The following JARID2 variants were observed in gnomAD, a reference collection of about 807,000 sequenced individuals.
JARID2 encodes jumonji and AT-rich interaction domain containing 2, also known as protein Jumonji.
A neutral mutation model predicts 125.6 loss-of-function variants in JARID2; 21 were observed. That is an observed-to-expected ratio of 0.17 (90% CI 0.12 to 0.24). JARID2 has a LOEUF of 0.24. Ranked by LOEUF, JARID2 falls within the 10% of genes least tolerant of loss-of-function variation. The probability of loss-of-function intolerance (pLI) is 1.00; values close to 1 mark genes in which losing one functional copy is unlikely to be tolerated. For synonymous variants in JARID2, 736 were observed against 661.6 expected (o/e 1.11, Z -1.73); for missense variants, 1,303 against 1,639.6 (o/e 0.79, Z 3.55).
At chr6:15,512,867 T>C (rs1311924270) in intron 14 of JARID2, 48 bp from the exon 15 acceptor site, 1 of 1,582,170 alleles carries the variant, frequency 6.3e-7, no homozygotes, top group Admixed American at 1.8e-5. Context: ...CCTTGACAGC[T>C]GCCTAGTAAT....
chr6:15,500,787 CCAGAGCCTGT>C (rs1770696761), intron 7 of JARID2, 110 bp from the exon 8 acceptor site: 2 of 855,112 alleles, frequency 2.3e-6, no homozygotes, highest in African/African-American at 3.4e-5. Context: ...CACTCTCACC[CCAGAGCCTGT>C]CAGAGTCCTG....
chr6:15,246,432 C>T lies in JARID2; in HGVS notation c.-108C>T. On this transcript the variant is annotated 5_prime_UTR_variant, in exon 1 of 18. Coordinates refer to ENST00000341776, the MANE Select transcript of JARID2 (RefSeq NM_004973.4). ...AGAAAAGTCGGATTACAAGATCAAC[C>T]ACCACCAACAACAATAAAAACCACC... 2.3e-6 allele frequency: 2 copies of T among 861,476 alleles called. No homozygotes were observed. Among genetic ancestry groups the T allele is most frequent in the South Asian group, 1.5e-5 (1 of 66,588 alleles). The allele number at this position is 861,476 out of a possible 1,614,324, so 53.4% of individuals were successfully genotyped here.
chr6:15,253,543 T>G (rs1005921791), intron 1 of JARID2, among the ~76,000 whole-genome samples: 1 of 152,180 alleles, frequency 6.6e-6, no homozygotes, highest in Non-Finnish European at 1.5e-5. Context: ...CCACGCAGAT[T>G]GTTCCAGAGG....
intron 3 of JARID2, among the ~76,000 whole-genome samples, chr6:15,450,787 C>T (rs1767887148): frequency 6.6e-6 from 1 of 152,048 alleles, no homozygotes; most frequent in South Asian, 2.1e-4. Flanking sequence ...GTATGTAAAG[C>T]AAAAATATGT....
chr6:15,390,783 A>G (rs1464570110), intron 2 of JARID2, among the ~76,000 whole-genome samples: 2 of 152,160 alleles, frequency 1.3e-5, no homozygotes, highest in Admixed American at 1.3e-4. Context: ...GCTCAGGTCC[A>G]GTAGGCCGCA....
chr6:15,512,413 C>A, intron 14 of JARID2, 23 bp downstream of exon 14: 1 of 1,608,960 alleles, frequency 6.2e-7, no homozygotes, highest in South Asian at 1.1e-5. Flanking sequence ...GGCCTCCTCC[C>A]GCTTGCTGCC....
At chr6:15,468,820 T>C in intron 5 of JARID2, 102 bp downstream of exon 5, 1 of 1,103,716 alleles carries the variant, frequency 9.1e-7, no homozygotes. Context: ...GCAAAGCTCG[T>C]TCTGGGTACT....
At chr6:15,463,504 C>T (rs1342827691) in intron 4 of JARID2, among the ~76,000 whole-genome samples, 2 of 146,580 alleles carry the variant, frequency 1.4e-5, no homozygotes, top group African/African-American at 5.1e-5. Flanking sequence ...AGTTTCAGCT[C>T]ATTGCAACCT....
At chr6:15,438,234 G>T (rs1767296147) in intron 3 of JARID2, among the ~76,000 whole-genome samples, 2 of 152,296 alleles carry the variant, frequency 1.3e-5, no homozygotes, top group South Asian at 4.1e-4. Context: ...GATTGACACA[G>T]TTAAAGATGG....
intron 1 of JARID2, among the ~76,000 whole-genome samples, chr6:15,295,190 T>C (rs1271865322): frequency 2.0e-5 from 3 of 150,608 alleles, no homozygotes; most frequent in Non-Finnish European, 3.0e-5. Context: ...GACGCCATCT[T>C]GGCTCACTGC....
chr6:15,489,639 C>T (rs1770050884), intron 6 of JARID2, among the ~76,000 whole-genome samples: 1 of 152,248 alleles, frequency 6.6e-6, no homozygotes, highest in African/African-American at 2.4e-5. Context: ...TGCCTGCCCC[C>T]ATGCTCCATG....
At chr6:15,499,113 T>A (rs1561907495) in intron 7 of JARID2, among the ~76,000 whole-genome samples, 1 of 137,928 alleles carries the variant, frequency 7.3e-6, no homozygotes, top group East Asian at 1.9e-4. Flanking sequence ...CCCAGAAGTC[T>A]AAGGCGTCTG....
At chr6:15,353,629 TC>T (rs1369148846) in intron 1 of JARID2, among the ~76,000 whole-genome samples, 4 of 152,184 alleles carry the variant, frequency 2.6e-5, no homozygotes, top group African/African-American at 9.7e-5. Flanking sequence ...ATTAGAATGA[TC>T]CTTTTCCTGG....
chr6:15,496,721 C>G lies in JARID2; in HGVS notation c.1496C>G (p.Pro499Arg), dbSNP rs199694306. The change falls in exon 7 of 18, where the codon CCG becomes CGG. Residue 499 changes from proline to arginine, a missense_variant. Pro to Arg is a moderately radical substitution (Grantham distance 103). Around this residue, in one of 11 missense-constraint regions of JARID2, gnomAD observed 651 missense variants for 581.6 expected, o/e 1.12. Coordinates refer to ENST00000341776, the MANE Select transcript of JARID2 (RefSeq NM_004973.4). ...VPERSLERNRPKRATAGKSTP... is the reference protein window; with the variant it reads ...VPERSLERNRRKRATAGKSTP... Reference sequence around the variant, plus strand: ...GAGCGCAGTCTGGAGAGGAATCGGCCGAAGCGGGCCACGGCCGGGAAGAGC... The same window carrying G: ...GAGCGCAGTCTGGAGAGGAATCGGCGGAAGCGGGCCACGGCCGGGAAGAGC... 1 of 1,613,630 alleles carries G rather than the reference C, an allele frequency of 6.2e-7. No individual in the cohort carries two copies. Among genetic ancestry groups the G allele is most frequent in the African/African-American group, 1.3e-5 (1 of 75,066 alleles).
intron 11 of JARID2, 79 bp downstream of exon 11, chr6:15,507,495 C>T (rs1771059873): frequency 3.2e-6 from 4 of 1,236,790 alleles, no homozygotes; most frequent in South Asian, 2.5e-5. Flanking sequence ...CTGGGAAATC[C>T]CTTCTAAGCA....
At chr6:15,466,879 A>C (rs1338877084) in intron 4 of JARID2, among the ~76,000 whole-genome samples, 1 of 152,168 alleles carries the variant, frequency 6.6e-6, no homozygotes, top group South Asian at 2.1e-4. Context: ...AGTCTGTGTC[A>C]GGTTTAAGAA....
chr6:15,414,916 C>CA (rs1323790589), intron 3 of JARID2, among the ~76,000 whole-genome samples: 4 of 152,120 alleles, frequency 2.6e-5, no homozygotes, highest in Non-Finnish European at 5.9e-5. Context: ...AGCAGATAAA[C>CA]AAGTGAACAA....
intron 1 of JARID2, among the ~76,000 whole-genome samples, chr6:15,312,453 T>A (rs1415644495): frequency 6.6e-6 from 1 of 152,248 alleles, no homozygotes; most frequent in African/African-American, 2.4e-5. Context: ...TGCACACATC[T>A]GGGTATTACC....
At chr6:15,366,841 TG>T (rs897666131) in intron 1 of JARID2, among the ~76,000 whole-genome samples, 1 of 152,136 alleles carries the variant, frequency 6.6e-6, no homozygotes, top group Non-Finnish European at 1.5e-5. Flanking sequence ...AAAACATTGG[TG>T]GGGGGTCTGA....
Sources: allele counts gnomAD v4.1 joint callset (sites outside exome capture counted in the v4.1 genomes callset), GRCh38; gene constraint gnomAD v4.1.1; regional missense constraint gnomAD v4.1.1; transcripts MANE v1.5; gene names NCBI Gene and HGNC (gene_info 2026-07-23, HGNC 2026-07-21).